Variants in DENND6A observed in about 807,000 individuals in gnomAD.
DENND6A encodes the protein DENN domain containing 6A, also known as protein DENND6A.
Under a neutral mutation model 95.5 loss-of-function variants are expected in DENND6A, and 43 were observed. That is an observed-to-expected ratio of 0.45 (90% CI 0.35 to 0.58). DENND6A has a LOEUF of 0.58. Ranked by LOEUF, DENND6A falls within the 20% of genes least tolerant of loss-of-function variation. The probability of loss-of-function intolerance (pLI) is 0.00; values close to 1 mark genes in which losing one functional copy is unlikely to be tolerated. For missense variants in DENND6A, 574 were observed against 736.0 expected, an observed-to-expected ratio of 0.78 and a Z score of 2.55; for synonymous variants, 257 against 260.4, an observed-to-expected ratio of 0.99 and a Z score of 0.13.
chr3:57,687,706 G>A (rs2077223422), intron 1 of DENND6A, among the ~76,000 whole-genome samples: 2 of 152,094 alleles, frequency 1.3e-5, no homozygotes, highest in South Asian at 2.1e-4. Flanking sequence ...GTGGAGGCAC[G>A]AGGATCCCTT....
chr3:57,650,575 C>T (rs1279554644), intron 9 of DENND6A, among the ~76,000 whole-genome samples: 1 of 151,928 alleles, frequency 6.6e-6, no homozygotes, highest in Non-Finnish European at 1.5e-5. Flanking sequence ...CTAAAAAGAA[C>T]AAAGGCTTTT....
chr3:57,654,489 G>A, intron 9 of DENND6A: 1 of 378,810 alleles, frequency 2.6e-6, no homozygotes, highest in Non-Finnish European at 3.6e-6. Context: ...AGTCACAATA[G>A]GGAACAGGGG....
intron 3 of DENND6A, among the ~76,000 whole-genome samples, chr3:57,670,742 G>A (rs996955589): frequency 4.6e-5 from 7 of 152,128 alleles, no homozygotes; most frequent in African/African-American, 1.7e-4. Context: ...CTCATATAGA[G>A]AAGTGAAAAA....
At position 57,649,643 on chromosome 3, in the gene DENND6A, T is replaced by A. The variant is rs397833042; in HGVS notation, c.819-3205A>T. 1.3e-3 allele frequency among the ~76,000 whole-genome samples: 158 copies of A among 125,438 alleles called. 1 individual carries two copies. The highest frequency in any genetic ancestry group is 3.3e-3 in the African/African-American group (110 of 33,528). The allele number at this position is 125,438 out of a possible 152,430, so 82.3% of individuals were successfully genotyped here. On this transcript the variant is annotated intron_variant, in intron 9 of 19. Coordinates refer to ENST00000311128, the MANE Select transcript of DENND6A (RefSeq NM_152678.3). ...CAATCAATGAGTGAAAAAAAAAAAATATATATATATATAGTTGTATGTGTG... is the reference window on the plus strand; with the variant it reads ...CAATCAATGAGTGAAAAAAAAAAAAAATATATATATATAGTTGTATGTGTG...
intron 9 of DENND6A, among the ~76,000 whole-genome samples, chr3:57,646,699 C>T (rs1441979320): frequency 1.3e-5 from 2 of 152,072 alleles, no homozygotes; most frequent in East Asian, 3.8e-4. Context: ...GAATAACTGA[C>T]AATAAAAGCA....
rs1009680208 is a variant in DENND6A, at chr3:57,626,827, G to A, written c.*1387C>T. On this transcript the variant is annotated 3_prime_UTR_variant, in exon 20 of 20. Transcript: ENST00000311128. The stretch of plus-strand genomic sequence containing the variant: ...AAGGTAGTATTGTTTAAACAAAACA[G>A]AAACAAAAACAACAACAACAAAAGC... The A allele has an allele frequency of 6.6e-6, 1 of 152,224 alleles. No homozygotes were observed. Among genetic ancestry groups the A allele is most frequent in the African/African-American group, 2.4e-5 (1 of 41,322 alleles). 9.4% of individuals were successfully genotyped at this position (152,224 alleles called of 1,614,324 possible).
chr3:57,644,688 AGGGAGGGGAG>A (rs1240691828), intron 11 of DENND6A, among the ~76,000 whole-genome samples: 30 of 84,792 alleles, frequency 3.5e-4, no homozygotes, highest in African/African-American at 1.3e-3. Context: ...GCAACAGGGA[AGGGAGGGGAG>A]GGGAGGGGAG....
At chr3:57,634,311 T>C (rs144810421) in intron 14 of DENND6A, among the ~76,000 whole-genome samples, 3,653 of 151,946 alleles carry the variant, frequency 0.024, 69 homozygotes, top group Non-Finnish European at 0.035. Flanking sequence ...TGCACACCTG[T>C]AATTCCAGCT....
rs772003329 is a variant in DENND6A at position 57,628,311 on chromosome 3, G to A, written c.1730C>T (p.Pro577Leu). Reference protein sequence around the residue: ...QADREHLPVKPDTMEKLRTHI... With the variant: ...QADREHLPVKLDTMEKLRTHI... ...TGTCCGTAACTTTTCCATAGTGTCA[G>A]GTTTCACAGGTAAGTGCTCTCGATC... The change falls in exon 20 of 20, where the codon CCT becomes CTT. Residue 577 changes from proline (P) to leucine (L), a missense_variant. Pro to Leu is a moderately conservative substitution (Grantham distance 98). Around this residue, in one of 2 missense-constraint regions of DENND6A, gnomAD observed 452 missense variants for 630.9 expected, o/e 0.72. Coordinates refer to ENST00000311128, the MANE Select transcript of DENND6A (RefSeq NM_152678.3). 1.2e-6 allele frequency: 2 copies of A among 1,614,026 alleles called. No homozygotes were observed.
At chr3:57,661,156 A>G (rs2153415537) in intron 6 of DENND6A, among the ~76,000 whole-genome samples, 1 of 152,344 alleles carries the variant, frequency 6.6e-6, no homozygotes, top group Middle Eastern at 3.4e-3. Context: ...CAAGTGACAT[A>G]AGGATTTTTC....
intron 7 of DENND6A, among the ~76,000 whole-genome samples, 181 bp from the exon 8 acceptor site, chr3:57,659,361 T>C (rs1010562144): frequency 1.3e-5 from 2 of 152,074 alleles, no homozygotes; most frequent in African/African-American, 4.8e-5. Flanking sequence ...AGTAAGTAAA[T>C]CAAGGTCTCC....
At chr3:57,678,620 A>T (rs956029977) in intron 1 of DENND6A, among the ~76,000 whole-genome samples, 2 of 150,268 alleles carry the variant, frequency 1.3e-5, no homozygotes, top group Non-Finnish European at 3.0e-5. Flanking sequence ...TAGAGCTCAC[A>T]TGATGGCACT....
At position 57,630,463 on chromosome 3, in the gene DENND6A, G is replaced by A. The variant is rs1239797671; in HGVS notation, c.1578C>T (p.Thr526=). 6 of 1,594,998 alleles carry A rather than the reference G, an allele frequency of 3.8e-6. No individual in the cohort carries two copies. The highest frequency in any genetic ancestry group is 5.1e-6 in the Non-Finnish European group (6 of 1,175,790). ...GWFKTRRKEM[T]QKLEALHLEA... is the part of the protein sequence containing the mutation. ...CTAGATGGAGTGCCTCCAATTTTTG[G>A]GTCATTTCCTTCCTCCGGGTCTTAA... The change falls in exon 18 of 20, where the codon ACC becomes ACT. Residue 526 remains threonine (T), a synonymous_variant. Coordinates refer to ENST00000311128, the MANE Select transcript of DENND6A (RefSeq NM_152678.3).
intron 11 of DENND6A, among the ~76,000 whole-genome samples, chr3:57,642,549 A>G (rs556926456): frequency 6.6e-6 from 1 of 152,254 alleles, no homozygotes; most frequent in South Asian, 2.1e-4. Context: ...GCATTCCTGG[A>G]GCAAAAGCAG....
chr3:57,671,422 C>T (rs549713421), intron 3 of DENND6A, among the ~76,000 whole-genome samples: 2 of 151,746 alleles, frequency 1.3e-5, no homozygotes, highest in South Asian at 2.1e-4. Context: ...CCCAGCTACT[C>T]GGGAGGCTGA....
intron 12 of DENND6A, among the ~76,000 whole-genome samples, chr3:57,635,723 T>A (rs1307470437): frequency 6.6e-6 from 1 of 152,208 alleles, no homozygotes; most frequent in Non-Finnish European, 1.5e-5. Context: ...CTAAAAAATT[T>A]TAAGAGTATG....
At chr3:57,654,960 A>C (rs1041040153) in intron 9 of DENND6A, 2 of 253,288 alleles carry the variant, frequency 7.9e-6, no homozygotes, top group African/African-American at 4.6e-5. Flanking sequence ...ATTAGATATT[A>C]AATGCTTGAT....
intron 12 of DENND6A, among the ~76,000 whole-genome samples, chr3:57,637,221 A>G (rs2070814881): frequency 6.6e-6 from 1 of 152,216 alleles, no homozygotes; most frequent in Non-Finnish European, 1.5e-5. Context: ...CCTGGTATGC[A>G]CCAGAACCAG....
chr3:57,652,388 C>G (rs982640734), intron 9 of DENND6A, among the ~76,000 whole-genome samples: 5 of 152,078 alleles, frequency 3.3e-5, no homozygotes, highest in Non-Finnish European at 5.9e-5. Flanking sequence ...TGCGAGTAAG[C>G]CTTGTAGGGA....
Sources: gnomAD v4.1 joint callset for allele counts (sites outside exome capture counted in the v4.1 genomes callset) on GRCh38, gnomAD v4.1.1 for gene constraint, gnomAD v4.1.1 regional missense constraint, MANE v1.5 for transcripts, NCBI Gene and HGNC (gene_info 2026-07-23, HGNC 2026-07-21) for gene names.